The following DAGLA variants were observed in gnomAD, a reference collection of about 807,000 sequenced individuals.
The protein encoded by DAGLA is diacylglycerol lipase-alpha.
DAGLA carries 22 observed loss-of-function variants against 102.6 expected under a neutral mutation model. The observed-to-expected ratio is 0.21, with a 90% CI of 0.15 to 0.31. The LOEUF is 0.31. DAGLA is among the 10% of genes least tolerant of loss of function. DAGLA has a pLI of 1.00. For missense variants in DAGLA, 927 were observed against 1,446.6 expected, an observed-to-expected ratio of 0.64 and a Z score of 5.83; for synonymous variants, 578 against 628.9, an observed-to-expected ratio of 0.92 and a Z score of 1.21.
chr11:61,701,011 T>C (rs1218377191), intron 1 of DAGLA, among the ~76,000 whole-genome samples: 3 of 152,234 alleles, frequency 2.0e-5, no homozygotes, highest in African/African-American at 7.2e-5. Flanking sequence ...TCATGCTTTC[T>C]CCAGCATCGC....
chr11:61,737,192 C>G lies in DAGLA; in HGVS notation c.1382C>G (p.Thr461Ser). Reference protein sequence around the residue: ...QAFGRDLGRGTKHYGLIVVGH... With the variant: ...QAFGRDLGRGSKHYGLIVVGH... The stretch of plus-strand genomic sequence containing the variant: ...TCTCTCGGTCTCCAGGGCCGCGGAA[C>G]CAAACACTACGGCCTGATTGTGGTG... Residue 461 changes from threonine (T) to serine (S), a missense_variant, in exon 14 of 20, where the codon ACC becomes AGC. Thr to Ser is a moderately conservative substitution (Grantham distance 58). Around this residue, in one of 4 missense-constraint regions of DAGLA, gnomAD observed 218 missense variants for 459.6 expected, o/e 0.47. Transcript: ENST00000257215. The G allele has an allele frequency of 6.2e-7, 1 of 1,613,554 alleles. No homozygotes were observed. The highest frequency in any genetic ancestry group is 8.5e-7 in the Non-Finnish European group (1 of 1,180,016).
At chr11:61,690,273 A>G (rs1565245683) in intron 1 of DAGLA, among the ~76,000 whole-genome samples, 1 of 152,224 alleles carries the variant, frequency 6.6e-6, no homozygotes, top group Non-Finnish European at 1.5e-5. Context: ...ACCGTGGAGC[A>G]GATAATAGTT....
intron 1 of DAGLA, among the ~76,000 whole-genome samples, chr11:61,699,514 G>A (rs4474437): frequency 6.6e-6 from 1 of 152,164 alleles, no homozygotes; most frequent in African/African-American, 2.4e-5. Context: ...CTTCACAAAG[G>A]CCATGTGCGG....
At chr11:61,730,791 G>C (rs964657408) in intron 8 of DAGLA, among the ~76,000 whole-genome samples, 5 of 152,226 alleles carry the variant, frequency 3.3e-5, no homozygotes, top group African/African-American at 1.2e-4. Flanking sequence ...CAAGTTGAAG[G>C]CTCCCAATAT....
At chr11:61,737,629 C>A in intron 14 of DAGLA, 58 bp from the exon 15 acceptor site, 1 of 1,517,078 alleles carries the variant, frequency 6.6e-7, no homozygotes, top group Non-Finnish European at 9.2e-7. Flanking sequence ...CCCCCCGATT[C>A]CGGAACACCA....
intron 16 of DAGLA, 70 bp from the exon 17 acceptor site, chr11:61,739,395 C>A: frequency 2.1e-6 from 2 of 970,858 alleles, no homozygotes; most frequent in Non-Finnish European, 1.5e-6. Context: ...CCTTCTCGGT[C>A]CCCCTGCCCC....
intron 1 of DAGLA, among the ~76,000 whole-genome samples, chr11:61,698,768 T>TA (rs1271570736): frequency 6.6e-6 from 1 of 152,056 alleles, no homozygotes; most frequent in African/African-American, 2.4e-5. Context: ...AGATGCAGAG[T>TA]GTAGCCCTGC....
At chr11:61,685,260 G>C (rs1452350783) in intron 1 of DAGLA, among the ~76,000 whole-genome samples, 2 of 152,156 alleles carry the variant, frequency 1.3e-5, no homozygotes, top group African/African-American at 4.8e-5. Context: ...CCCAGGTAAT[G>C]CCTGGTGCGT....
chr11:61,736,016 A>C (rs1271263532), intron 12 of DAGLA, among the ~76,000 whole-genome samples, 200 bp downstream of exon 12: 1 of 152,140 alleles, frequency 6.6e-6, no homozygotes. Flanking sequence ...GAGCCTGACC[A>C]TGGAAGAACC....
intron 1 of DAGLA, among the ~76,000 whole-genome samples, chr11:61,714,272 G>T (rs1025822065): frequency 2.4e-4 from 37 of 152,178 alleles, no homozygotes; most frequent in African/African-American, 8.9e-4. Context: ...GGCTGGACCT[G>T]GTCCCCATCA....
chr11:61,714,574 C>T (rs198436), intron 1 of DAGLA, among the ~76,000 whole-genome samples: 96,236 of 152,196 alleles, frequency 0.63, 30,917 homozygotes, highest in East Asian at 0.94. Flanking sequence ...TGACACGCTA[C>T]TAATGCTGTT....
chr11:61,737,454 G>A (rs976797032), intron 14 of DAGLA, 130 bp downstream of exon 14: 4 of 1,350,578 alleles, frequency 3.0e-6, no homozygotes, highest in Non-Finnish European at 4.1e-6. Flanking sequence ...TGGCCTGGAG[G>A]GTGGAGGGTG....
intron 3 of DAGLA, among the ~76,000 whole-genome samples, chr11:61,721,685 G>A (rs2065284387): frequency 6.6e-6 from 1 of 152,248 alleles, no homozygotes; most frequent in Non-Finnish European, 1.5e-5. Context: ...ACCAGCCTGT[G>A]TCCTCTTCTT....
At chr11:61,709,652 G>A (rs1346782177) in intron 1 of DAGLA, among the ~76,000 whole-genome samples, 2 of 152,082 alleles carry the variant, frequency 1.3e-5, no homozygotes, top group African/African-American at 2.4e-5. Context: ...GGGAGGGGAC[G>A]GGGCTGCAGC....
Position 61,728,201 on chromosome 11 carries a change from C to G in DAGLA, c.685C>G (p.Leu229Val). The stretch of plus-strand genomic sequence containing the variant: ...CCTCTTTGCGGAGTTCTTCCGGGAC[C>G]TTGACATTGTGCCATCCGACATCAT... ...AYLFAEFFRD[L>V]DIVPSDIIAG... The change falls in exon 7 of 20, where the codon CTT (leucine) becomes GTT (valine). Residue 229 changes from leucine (L) to valine (V), a missense_variant. Physicochemically the swap from Leu to Val is conservative, Grantham distance 32. Around this residue, in one of 4 missense-constraint regions of DAGLA, gnomAD observed 231 missense variants for 439.8 expected, o/e 0.53. Coordinates refer to ENST00000257215, the MANE Select transcript of DAGLA (RefSeq NM_006133.3). 6.2e-7 allele frequency: 1 copy of G among 1,614,198 alleles called. No individual in the cohort carries two copies. Among genetic ancestry groups the G allele is most frequent in the Non-Finnish European group, 8.5e-7 (1 of 1,180,022 alleles).
chr11:61,744,212 A>C lies in DAGLA; in HGVS notation c.2852A>C (p.Lys951Thr). ...SPTSDYAEGP[K>T]SPSQQEILLR... ...ACCAGTGACTACGCTGAGGGCCCCAAGTCCCCCAGCCAGCAAGAGATCCTG... is the reference window on the plus strand; with the variant it reads ...ACCAGTGACTACGCTGAGGGCCCCACGTCCCCCAGCCAGCAAGAGATCCTG... Residue 951 changes from lysine to threonine, a missense_variant, in exon 20 of 20, where the codon AAG becomes ACG. Lys to Thr is a moderately conservative substitution (Grantham distance 78, BLOSUM62 -1). Coordinates refer to ENST00000257215, the MANE Select transcript of DAGLA (RefSeq NM_006133.3). 1.2e-6 allele frequency: 2 copies of C among 1,612,966 alleles called. No individual in the cohort carries two copies. Among genetic ancestry groups the C allele is most frequent in the Non-Finnish European group, 1.7e-6 (2 of 1,179,974 alleles).
chr11:61,738,626 A>C (rs2065447471), intron 16 of DAGLA, among the ~76,000 whole-genome samples: 1 of 152,044 alleles, frequency 6.6e-6, no homozygotes, highest in South Asian at 2.1e-4. Context: ...TGACCTGTGG[A>C]GAGGATTTGG....
At position 61,724,942 on chromosome 11, in the gene DAGLA, CCTT is replaced by C. The variant is rs1292979648; in HGVS notation, c.549-1050_549-1048del. On this transcript the variant is annotated intron_variant, in intron 5 of 19. Transcript: ENST00000257215. ...TAGCCCTGGAAGACCCTGTTGCCCT[CCTT>C]CTCCTTGTGGCCATTTGCCTTATGA... Among the ~76,000 whole-genome samples, 5 of 152,280 alleles carry C rather than the reference CCTT, an allele frequency of 3.3e-5. No homozygotes were observed. The South Asian group carries it at 1.0e-3, about 32-fold the overall frequency.
chr11:61,739,392 G>T, intron 16 of DAGLA, 73 bp from the exon 17 acceptor site: 1 of 1,382,626 alleles, frequency 7.2e-7, no homozygotes. Context: ...CCCCCTTCTC[G>T]GTCCCCCTGC....
Sources: gnomAD v4.1 joint callset for allele counts (sites outside exome capture counted in the v4.1 genomes callset) on GRCh38, gnomAD v4.1.1 for gene constraint, gnomAD v4.1.1 regional missense constraint, MANE v1.5 for transcripts, NCBI Gene and HGNC (gene_info 2026-07-23, HGNC 2026-07-21) for gene names.